Variants in TENM3 observed in about 807,000 individuals in gnomAD.
TENM3 encodes the protein teneurin transmembrane protein 3, also known as teneurin-3.
TENM3 carries 63 observed loss-of-function variants against 255.1 expected under a neutral mutation model. The ratio of observed to expected loss-of-function variants is 0.25; its 90% CI spans 0.20 to 0.30. TENM3 has a LOEUF of 0.30. Ranked by LOEUF, TENM3 falls within the 10% of genes least tolerant of loss-of-function variation. The pLI is 1.00. For synonymous variants in TENM3, 1,306 were observed against 1,322.3 expected (o/e 0.99, Z 0.27); for missense variants, 2,929 against 3,461.1 (o/e 0.85, Z 3.86).
At chr4:182,106,144 G>C in the TENM3 span, among the ~76,000 whole-genome samples, 3 of 152,152 alleles carry the variant, frequency 2.0e-5, no homozygotes. Flanking sequence ...CCAGGGCAAA[G>C]GCCAGACCGA....
the TENM3 span, among the ~76,000 whole-genome samples, chr4:182,025,061 C>CTTTTTTTTTTTT: frequency 7.5e-6 from 1 of 133,836 alleles, no homozygotes; most frequent in African/African-American, 3.2e-5. Context: ...TGGAGTCTTG[C>CTTTTTTTTTTTT]TTTGTTGCCC....
the TENM3 span, among the ~76,000 whole-genome samples, chr4:182,030,000 C>CTT: frequency 0.013 from 1,063 of 83,420 alleles, 115 homozygotes; most frequent in African/African-American, 0.046. Flanking sequence ...CATCTCTCTC[C>CTT]TTTTTTTCTT....
At chr4:182,108,195 T>C in the TENM3 span, among the ~76,000 whole-genome samples, 4 of 152,082 alleles carry the variant, frequency 2.6e-5, no homozygotes, top group African/African-American at 7.2e-5. Flanking sequence ...GCCACCTACA[T>C]CTCGCTCTTA....
chr4:182,760,120 A>G (rs372612759), intron 22 of TENM3, among the ~76,000 whole-genome samples: 17 of 152,276 alleles, frequency 1.1e-4, no homozygotes, highest in African/African-American at 3.4e-4. Context: ...AAGGACCCCA[A>G]CTAGCTAACA....
the TENM3 span, among the ~76,000 whole-genome samples, chr4:182,042,476 A>G: frequency 6.6e-6 from 1 of 152,208 alleles, no homozygotes; most frequent in African/African-American, 2.4e-5. Context: ...AGAGGAAGTC[A>G]TTCACAAAGG....
At chr4:182,341,430 A>G (rs1356689737) in intron 2 of TENM3, among the ~76,000 whole-genome samples, 2 of 152,252 alleles carry the variant, frequency 1.3e-5, no homozygotes, top group East Asian at 3.9e-4. Context: ...AATTTCCAAA[A>G]GTGGGATTAT....
chr4:181,880,332 A>G, the TENM3 span, among the ~76,000 whole-genome samples: 32 of 152,240 alleles, frequency 2.1e-4, no homozygotes, highest in Non-Finnish European at 4.1e-4. Flanking sequence ...AAATATTTAA[A>G]TATGCAAATA....
At chr4:182,519,034 C>G (rs1198924965) in intron 3 of TENM3, among the ~76,000 whole-genome samples, 3 of 152,134 alleles carry the variant, frequency 2.0e-5, no homozygotes, top group Non-Finnish European at 4.4e-5. Context: ...AGTTCCTTCC[C>G]AGTCCACCCA....
At chr4:182,206,846 A>G (rs17072858) in intron 1 of TENM3, among the ~76,000 whole-genome samples, 1,868 of 152,300 alleles carry the variant, frequency 0.012, 30 homozygotes, top group African/African-American at 0.042. Context: ...ATATCAGCCT[A>G]AATTCTCTAG....
At chr4:181,580,846 T>C in the TENM3 span, among the ~76,000 whole-genome samples, 1 of 152,154 alleles carries the variant, frequency 6.6e-6, no homozygotes, top group African/African-American at 2.4e-5. Context: ...GTGGTGCCTG[T>C]AGGTTCAGAA....
At chr4:182,786,555 TTAAA>T (rs1561252021) in intron 24 of TENM3, among the ~76,000 whole-genome samples, 6 of 74,998 alleles carry the variant, frequency 8.0e-5, no homozygotes, top group African/African-American at 1.6e-4. Context: ...AGACCCCGTC[TTAAA>T]AAAAAAAAAA....
In TENM3 at chr4:182,796,677, C is replaced by T. The variant is rs780846901; in HGVS notation, c.7254C>T (p.His2418=). The stretch of plus-strand genomic sequence containing the variant: ...TGGTGACATTTGGTTTCCATCTGCA[C>T]AATGCTATTCCTGGATTCCCTGTTC... ...SWLVTFGFHL[H]NAIPGFPVPK... Residue 2418 remains histidine (H), a synonymous_variant, in exon 27 of 28, where the codon CAC becomes CAT. Coordinates refer to ENST00000511685, the MANE Select transcript of TENM3 (RefSeq NM_001080477.4). The T allele has an allele frequency of 2.0e-5, 33 of 1,612,588 alleles. No homozygotes were observed. Among genetic ancestry groups the T allele is most frequent in the Admixed American group, 5.0e-5 (3 of 59,882 alleles).
chr4:182,251,143 T>G (rs1757988436), intron 1 of TENM3, among the ~76,000 whole-genome samples: 1 of 152,192 alleles, frequency 6.6e-6, no homozygotes, highest in South Asian at 2.1e-4. Context: ...GGTTATCAAT[T>G]TTGGGAACTG....
At chr4:181,949,434 T>C in the TENM3 span, among the ~76,000 whole-genome samples, 2 of 152,202 alleles carry the variant, frequency 1.3e-5, no homozygotes, top group African/African-American at 4.8e-5. Context: ...GGGTCATCCT[T>C]GTCTTCTCTC....
the TENM3 span, among the ~76,000 whole-genome samples, chr4:182,011,574 A>G: frequency 3.3e-5 from 5 of 152,150 alleles, no homozygotes; most frequent in Non-Finnish European, 5.9e-5. Context: ...AAAGGCCAAG[A>G]TTCTTAATGT....
intron 3 of TENM3, among the ~76,000 whole-genome samples, chr4:182,388,982 T>C (rs1768212812): frequency 6.6e-6 from 1 of 152,218 alleles, no homozygotes; most frequent in Non-Finnish European, 1.5e-5. Context: ...TTATTAAATC[T>C]AGTCCCTTTC....
At chr4:181,658,213 G>A in the TENM3 span, among the ~76,000 whole-genome samples, 1 of 152,140 alleles carries the variant, frequency 6.6e-6, no homozygotes, top group Admixed American at 6.5e-5. Flanking sequence ...ATGTTGTTGT[G>A]TTTAATCCAG....
chr4:181,801,694 A>G, the TENM3 span, among the ~76,000 whole-genome samples: 1 of 126,888 alleles, frequency 7.9e-6, no homozygotes, highest in African/African-American at 3.1e-5. Context: ...ATATATATAT[A>G]TATGCAACAA....
At chr4:182,386,049 A>G (rs1767893474) in intron 3 of TENM3, among the ~76,000 whole-genome samples, 1 of 152,258 alleles carries the variant, frequency 6.6e-6, no homozygotes, top group Non-Finnish European at 1.5e-5. Flanking sequence ...GATAAGCAGC[A>G]AAATCTCACT....
Sources: allele counts gnomAD v4.1 joint callset (sites outside exome capture counted in the v4.1 genomes callset), GRCh38; gene constraint gnomAD v4.1.1; transcripts MANE v1.5; gene names NCBI Gene and HGNC (gene_info 2026-07-23, HGNC 2026-07-21).